Variants in C10orf90 observed in about 807,000 individuals in gnomAD.
C10orf90 encodes the protein (E2-independent) E3 ubiquitin-conjugating enzyme FATS.
Under a neutral mutation model 62.5 loss-of-function variants are expected in C10orf90, and 56 were observed. The observed-to-expected ratio is 0.90, with a 90% CI of 0.72 to 1.12. The LOEUF is 1.12. Among genes scored for constraint, C10orf90 ranks in the 50% most tolerant of loss-of-function variants. The probability of loss-of-function intolerance (pLI) is 0.00; values close to 1 mark genes in which losing one functional copy is unlikely to be tolerated. For missense variants in C10orf90, 970 were observed against 880.4 expected (o/e 1.10, Z -1.29); for synonymous variants, 386 against 340.4 (o/e 1.13, Z -1.47).
chr10:126,558,037 G>A (rs4962345), intron 2 of C10orf90, among the ~76,000 whole-genome samples: 132,362 of 151,996 alleles, frequency 0.87, 57,928 homozygotes, highest in Middle Eastern at 0.92. Context: ...AGACTCTGCA[G>A]TATCCTCTTC....
Position 126,490,639 on chromosome 10 carries a change from G to A in C10orf90, c.1534+13318C>T, listed in dbSNP as rs556063769. 2.4e-4 allele frequency among the ~76,000 whole-genome samples: 36 copies of A among 152,114 alleles called. 1 individual carries two copies. The South Asian group carries it at 7.0e-3, about 30-fold the overall frequency. Reference sequence around the variant, plus strand: ...TAAAATGGTAAACTTTATATTATGTGTATTTTATCAAAATTTAAAAAAAGA... The same window carrying A: ...TAAAATGGTAAACTTTATATTATGTATATTTTATCAAAATTTAAAAAAAGA... On this transcript the variant is annotated intron_variant, in intron 4 of 9. Coordinates refer to ENST00000488181, the MANE Select transcript of C10orf90 (RefSeq NM_001350921.2).
At chr10:126,642,743 G>A (rs1022403111) in intron 2 of C10orf90, among the ~76,000 whole-genome samples, 1 of 152,052 alleles carries the variant, frequency 6.6e-6, no homozygotes, top group African/African-American at 2.4e-5. Context: ...ACCCTGACCT[G>A]TCTCTTGATC....
intron 2 of C10orf90, among the ~76,000 whole-genome samples, chr10:126,518,070 T>C (rs1391304474): frequency 1.6e-5 from 2 of 123,654 alleles, no homozygotes; most frequent in Non-Finnish European, 3.4e-5. Flanking sequence ...GTTTTTTTTT[T>C]TCCTGAAGAG....
At chr10:126,633,354 T>C (rs1025713624) in intron 2 of C10orf90, among the ~76,000 whole-genome samples, 2 of 152,186 alleles carry the variant, frequency 1.3e-5, no homozygotes, top group African/African-American at 4.8e-5. Flanking sequence ...AGCTGTGAGG[T>C]CACCAGCCCC....
intron 2 of C10orf90, among the ~76,000 whole-genome samples, chr10:126,515,591 G>C (rs921593806): frequency 3.9e-5 from 6 of 152,234 alleles, no homozygotes; most frequent in Admixed American, 1.3e-4. Context: ...TACCATCTAG[G>C]TTTGTACATT....
At chr10:126,431,408 A>T (rs1267123527) in intron 7 of C10orf90, among the ~76,000 whole-genome samples, 1 of 152,148 alleles carries the variant, frequency 6.6e-6, no homozygotes, top group East Asian at 1.9e-4. Flanking sequence ...CACCATGGAG[A>T]CTGCAATGGG....
At chr10:126,640,594 T>C (rs1033027040) in intron 2 of C10orf90, among the ~76,000 whole-genome samples, 2 of 152,210 alleles carry the variant, frequency 1.3e-5, no homozygotes, top group African/African-American at 2.4e-5. Flanking sequence ...GTGGTTGTGG[T>C]TGTGCAATCA....
intron 7 of C10orf90, among the ~76,000 whole-genome samples, chr10:126,454,563 C>T (rs1859415107): frequency 6.6e-6 from 1 of 151,710 alleles, no homozygotes; most frequent in Non-Finnish European, 1.5e-5. Context: ...GAGCTGTACC[C>T]CTACTGCCTG....
intron 2 of C10orf90, among the ~76,000 whole-genome samples, chr10:126,632,621 A>G (rs1391796817): frequency 6.6e-6 from 1 of 152,030 alleles, no homozygotes; most frequent in African/African-American, 2.4e-5. Flanking sequence ...TTTGTTGTAG[A>G]AGCATGGCAA....
intron 4 of C10orf90, among the ~76,000 whole-genome samples, chr10:126,473,797 C>T (rs2133776704): frequency 6.6e-6 from 1 of 152,204 alleles, no homozygotes; most frequent in East Asian, 1.9e-4. Context: ...AATCACATGG[C>T]ATGTTTGTTA....
intron 2 of C10orf90, among the ~76,000 whole-genome samples, chr10:126,639,121 C>T (rs1846011023): frequency 6.6e-6 from 1 of 152,186 alleles, no homozygotes; most frequent in Non-Finnish European, 1.5e-5. Context: ...CACAGGGATG[C>T]TCATGACAAC....
rs192282007 is a variant in C10orf90 at position 126,507,557 on chromosome 10, C to A, written c.406-2472G>T. On this transcript the variant is annotated intron_variant, in intron 3 of 9. Coordinates refer to ENST00000488181, the MANE Select transcript of C10orf90 (RefSeq NM_001350921.2). ...CTGAGTCATGAAAGGGGACTTTCAG[C>A]CCTCTCTTTTAGCCCAGCGGCTACC... 5.3e-4 allele frequency among the ~76,000 whole-genome samples: 80 copies of A among 151,260 alleles called. No individual in the cohort carries two copies. The East Asian group carries it at 0.014, about 27-fold the overall frequency.
intron 1 of C10orf90, among the ~76,000 whole-genome samples, chr10:126,662,371 T>G (rs1456268819): frequency 6.6e-6 from 1 of 152,134 alleles, no homozygotes; most frequent in Non-Finnish European, 1.5e-5. Flanking sequence ...CCCAGTAAGA[T>G]GTTCTTTCCT....
intron 4 of C10orf90, among the ~76,000 whole-genome samples, chr10:126,498,315 C>A (rs1048235724): frequency 2.0e-5 from 3 of 152,194 alleles, no homozygotes; most frequent in Non-Finnish European, 2.9e-5. Context: ...CTGACCACTT[C>A]TCAATACCTT....
intron 2 of C10orf90, among the ~76,000 whole-genome samples, chr10:126,575,080 C>G (rs1242297696): frequency 6.6e-6 from 1 of 151,984 alleles, no homozygotes; most frequent in Non-Finnish European, 1.5e-5. Context: ...TTAGAGATAA[C>G]ATGATTATGC....
chr10:126,593,051 G>A (rs1199100449), intron 2 of C10orf90, among the ~76,000 whole-genome samples: 1 of 152,208 alleles, frequency 6.6e-6, no homozygotes, highest in African/African-American at 2.4e-5. Context: ...TGCTGGCAAG[G>A]TTGCAGAGAA....
chr10:126,474,811 C>G, intron 4 of C10orf90, among the ~76,000 whole-genome samples: 1 of 152,200 alleles, frequency 6.6e-6, no homozygotes, highest in East Asian at 1.9e-4. Flanking sequence ...GCAATTCAGC[C>G]ATTCCCCTGT....
chr10:126,610,710 T>G (rs1302267173), intron 2 of C10orf90, among the ~76,000 whole-genome samples: 2 of 152,214 alleles, frequency 1.3e-5, no homozygotes, highest in Non-Finnish European at 2.9e-5. Context: ...TTCAAAACAC[T>G]TTAGAATGGA....
intron 2 of C10orf90, among the ~76,000 whole-genome samples, chr10:126,515,710 TGTGCTCTAATATTTTC>T (rs1364873387): frequency 6.6e-6 from 1 of 152,124 alleles, no homozygotes; most frequent in Admixed American, 6.6e-5. Context: ...AGGAAAATAA[TGTGCTCTAATATTTTC>T]AAGTTTGGAA....
Sources: gnomAD v4.1 joint callset for allele counts (sites outside exome capture counted in the v4.1 genomes callset) on GRCh38, gnomAD v4.1.1 for gene constraint, MANE v1.5 for transcripts, NCBI Gene and HGNC (gene_info 2026-07-23, HGNC 2026-07-21) for gene names.